Variants in FAXDC2 observed in about 807,000 individuals in gnomAD.
FAXDC2 encodes fatty acid hydroxylase domain-containing protein 2.
FAXDC2 carries 41 observed loss-of-function variants against 40.9 expected under a neutral mutation model. The ratio of observed to expected loss-of-function variants is 1.00; its 90% CI spans 0.78 to 1.30. The LOEUF is 1.30. Ranked by LOEUF, FAXDC2 falls within the 50% of genes most tolerant of loss-of-function variation. The probability of loss-of-function intolerance (pLI) is 0.00; values close to 1 mark genes in which losing one functional copy is unlikely to be tolerated. For missense variants in FAXDC2, 390 were observed against 408.8 expected (o/e 0.95, Z 0.40); for synonymous variants, 157 against 149.3 (o/e 1.05, Z -0.38).
At chr5:154,834,797 C>T in intron 3 of FAXDC2, 46 bp downstream of exon 3, 9 of 1,593,296 alleles carry the variant, frequency 5.6e-6, no homozygotes, top group Non-Finnish European at 7.7e-6. Flanking sequence ...ATGCTCTGCC[C>T]CCGACCACCA....
chr5:154,849,263 GA>G (rs1259540430), intron 1 of FAXDC2, among the ~76,000 whole-genome samples: 2 of 152,138 alleles, frequency 1.3e-5, no homozygotes, highest in African/African-American at 4.8e-5. Context: ...CTGGGTGACA[GA>G]ACGAGATTCC....
intron 4 of FAXDC2, 111 bp downstream of exon 4, chr5:154,834,514 T>C: frequency 1.3e-6 from 1 of 782,638 alleles, no homozygotes; most frequent in Non-Finnish European, 2.1e-6. Flanking sequence ...CAAGTCCTCA[T>C]CCCTTGGAAT....
rs113449591 is a variant in FAXDC2 at position 154,830,928 on chromosome 5, AT to A, written c.245-7del. 1.3e-3 allele frequency: 2,030 copies of A among 1,613,494 alleles called. 25 individuals carry two copies. In the African/African-American group the frequency reaches 0.023, roughly 18 times the overall value. On this transcript the variant is annotated splice_region_variant and splice_polypyrimidine_tract_variant and intron_variant, in intron 4 of 8. Transcript: ENST00000326080. ...ACAAGGCACTTGGATGGCACCTGAGATTGGGAAACAGAAACAGTCAGGGCGA... is the reference window on the plus strand; with the variant it reads ...ACAAGGCACTTGGATGGCACCTGAGATGGGAAACAGAAACAGTCAGGGCGA...
intron 1 of FAXDC2, among the ~76,000 whole-genome samples, chr5:154,849,817 T>C (rs1353147559): frequency 6.6e-6 from 1 of 152,206 alleles, no homozygotes; most frequent in Admixed American, 6.5e-5. Flanking sequence ...GTTCTATTGT[T>C]CATCTCCACC....
chr5:154,835,009 C>A (rs1244337446), intron 2 of FAXDC2, 75 bp from the exon 3 acceptor site: 2 of 928,994 alleles, frequency 2.2e-6, no homozygotes, highest in Admixed American at 2.0e-5. Flanking sequence ...TGAGGCACAG[C>A]GGGAGTGCTG....
intron 4 of FAXDC2, among the ~76,000 whole-genome samples, chr5:154,833,750 C>G (rs1760250729): frequency 6.6e-6 from 1 of 151,716 alleles, no homozygotes; most frequent in Admixed American, 6.6e-5. Context: ...CTCACTGCAA[C>G]CCGCCTCCCA....
intron 2 of FAXDC2, 94 bp from the exon 3 acceptor site, chr5:154,835,028 G>A: frequency 1.3e-6 from 1 of 775,780 alleles, no homozygotes; most frequent in Non-Finnish European, 2.2e-6. Context: ...TGTAGGATCA[G>A]CATCTCAACC....
rs1759825158 is a variant in FAXDC2, at chr5:154,819,638, C to G, written c.*678G>C. On this transcript the variant is annotated 3_prime_UTR_variant, in exon 9 of 9. Coordinates refer to ENST00000326080, the MANE Select transcript of FAXDC2 (RefSeq NM_032385.5). Reference sequence around the variant, plus strand: ...TCGTTGGTTTTAATCCAGGGAGGAGCTCCTGGATTTCTTTTTCTCCCCCAC... The same window carrying G: ...TCGTTGGTTTTAATCCAGGGAGGAGGTCCTGGATTTCTTTTTCTCCCCCAC... The G allele has an allele frequency of 2.0e-5, 3 of 152,162 alleles. No individual in the cohort carries two copies. The highest frequency in any genetic ancestry group is 7.2e-5 in the African/African-American group (3 of 41,396). The allele number at this position is 152,162 out of a possible 1,614,324, so 9.4% of individuals were successfully genotyped here. A position where few individuals can be genotyped will look rare whatever the true frequency, so the allele number is the denominator to read the frequency against.
chr5:154,844,038 G>A (rs1760539581), intron 1 of FAXDC2, among the ~76,000 whole-genome samples: 1 of 152,130 alleles, frequency 6.6e-6, no homozygotes, highest in South Asian at 2.1e-4. Context: ...GGCCAACATG[G>A]CAAAACCCTA....
At chr5:154,824,770 T>C in intron 5 of FAXDC2, 1 of 553,534 alleles carries the variant, frequency 1.8e-6, no homozygotes, top group Non-Finnish European at 3.2e-6. Flanking sequence ...GTGAGAAAGG[T>C]AGACTAGACA....
intron 5 of FAXDC2, 95 bp downstream of exon 5, chr5:154,830,706 G>T: frequency 6.9e-7 from 1 of 1,456,748 alleles, no homozygotes; most frequent in Non-Finnish European, 9.5e-7. Context: ...GGCTCACACT[G>T]GCCAGGTCTC....
At chr5:154,842,418 C>T (rs1210070793) in intron 1 of FAXDC2, among the ~76,000 whole-genome samples, 1 of 140,420 alleles carries the variant, frequency 7.1e-6, no homozygotes, top group East Asian at 2.2e-4. Context: ...ATTGGCCAGG[C>T]TGGTCTCTAA....
chr5:154,834,744 A>G lies in FAXDC2; in HGVS notation c.141-16T>C. ...CTGAAGATGCCTTGGAAAAAAAACC[A>G]GGTTTCTGGGTGAAGACTAGTGGGT... On this transcript the variant is annotated splice_polypyrimidine_tract_variant and intron_variant, in intron 3 of 8. Transcript: ENST00000326080. 6.2e-7 allele frequency: 1 copy of G among 1,612,474 alleles called. No individual in the cohort carries two copies.
At position 154,821,350 on chromosome 5, in the gene FAXDC2, GA is replaced by G. The variant is rs755574899; in HGVS notation, c.754del (p.Ser252ProfsTer154). On this transcript the variant is annotated frameshift_variant, in exon 8 of 9. Coordinates refer to ENST00000326080, the MANE Select transcript of FAXDC2 (RefSeq NM_032385.5). LOFTEE classifies it high-confidence loss of function. Reference protein sequence around the residue: ...SHLSSITMWFSLALIITTISH... With the variant: ...SHLSSITMWFXLALIITTISH... ...GATGGTGGTGATGATGAGGGCCAAG[GA>G]AAACCACATGGTGATGGAGGACAAG... 1.9e-6 allele frequency: 3 copies of G among 1,611,186 alleles called. No homozygotes were observed. In the South Asian group the frequency reaches 3.3e-5, roughly 18 times the overall value.
intron 5 of FAXDC2, among the ~76,000 whole-genome samples, chr5:154,827,594 C>T (rs1303649109): frequency 1.3e-5 from 2 of 151,962 alleles, no homozygotes; most frequent in Non-Finnish European, 1.5e-5. Context: ...GAGGCCATTA[C>T]ACCTAACCGT....
chr5:154,823,527 G>A lies in FAXDC2; in HGVS notation c.432C>T (p.Phe144=), dbSNP rs200490101. ...TVLFNQCMIS[F]PMVVFLYPFL... is the part of the protein sequence containing the mutation. ...AGGGATAGAGGAAGACCACCATGGG[G>A]AAAGATATCATGCACTGGTTGAAAA... The change falls in exon 6 of 9, where the codon TTC becomes TTT. Residue 144 remains phenylalanine (F), a synonymous_variant. Transcript: ENST00000326080. The A allele has an allele frequency of 6.2e-7, 1 of 1,614,258 alleles. No homozygotes were observed. Among genetic ancestry groups the A allele is most frequent in the African/African-American group, 1.3e-5 (1 of 75,076 alleles).
At chr5:154,823,739 G>T in intron 5 of FAXDC2, 147 bp from the exon 6 acceptor site, 1 of 651,496 alleles carries the variant, frequency 1.5e-6, no homozygotes, top group Non-Finnish European at 2.7e-6. Context: ...ACCCAGCTCT[G>T]GGCCTGGAAA....
At chr5:154,832,124 T>C (rs1382003556) in intron 4 of FAXDC2, among the ~76,000 whole-genome samples, 1 of 152,238 alleles carries the variant, frequency 6.6e-6, no homozygotes, top group Non-Finnish European at 1.5e-5. Context: ...TGGTTATTTC[T>C]TGAAGGTAAG....
chr5:154,821,265 ATGG>A lies in FAXDC2; in HGVS notation c.837_839del (p.His280del), dbSNP rs778318350. ...TGTGGGGAGAAGGTCCTTACTTGAG[ATGG>A]TGGTAGTCGTGGAATTCAGGCGAAG... On this transcript the variant is annotated inframe_deletion, in exon 8 of 9. Transcript: ENST00000326080. 14 of 1,611,336 alleles carry A rather than the reference ATGG, an allele frequency of 8.7e-6. No homozygotes were observed. In the East Asian group the frequency reaches 9.0e-5, roughly 10 times the overall value.
Sources: gnomAD v4.1 joint callset for allele counts (sites outside exome capture counted in the v4.1 genomes callset) on GRCh38, gnomAD v4.1.1 for gene constraint, MANE v1.5 for transcripts, NCBI Gene and HGNC (gene_info 2026-07-23, HGNC 2026-07-21) for gene names.